PACRGL: variants seen among roughly 807,000 people sequenced by gnomAD.
PACRGL encodes PACRG-like protein.
In PACRGL, 38 loss-of-function variants were observed where a neutral mutation model predicts 34.5. The observed-to-expected ratio is 1.10, with a 90% CI of 0.85 to 1.44. The LOEUF is 1.44. Ranked by LOEUF, PACRGL falls within the 40% of genes most tolerant of loss-of-function variation. The pLI, the probability that PACRGL is intolerant of heterozygous loss-of-function variation, is 0.00. For synonymous variants in PACRGL, 128 were observed against 100.1 expected, an observed-to-expected ratio of 1.28 and a Z score of -1.66; for missense variants, 305 against 281.4, an observed-to-expected ratio of 1.08 and a Z score of -0.60.
intron 8 of PACRGL, among the ~76,000 whole-genome samples, chr4:20,747,428 G>T (rs1752616798): frequency 6.6e-6 from 1 of 152,104 alleles, no homozygotes; most frequent in Non-Finnish European, 1.5e-5. Flanking sequence ...TTTCTAAAGT[G>T]AAGCAAACAC....
chr4:20,743,054 G>T (rs1302708778), intron 8 of PACRGL, among the ~76,000 whole-genome samples: 1 of 123,364 alleles, frequency 8.1e-6, no homozygotes, highest in Non-Finnish European at 1.7e-5. Context: ...TTATAAGGGT[G>T]TGAAGGACCC....
At chr4:20,734,570 T>C, downstream of PACRGL, 1 of 838,160 alleles carries the variant, frequency 1.2e-6, no homozygotes, top group East Asian at 2.8e-5. Flanking sequence ...ATTAATATTT[T>C]AAAGTTAAGA....
chr4:20,758,114 G>T, the PACRGL span, among the ~76,000 whole-genome samples: 195 of 152,218 alleles, frequency 1.3e-3, 1 homozygote, highest in African/African-American at 4.3e-3. Flanking sequence ...CATAGGCTGT[G>T]GGACAAATAT....
chr4:20,717,141 G>T (rs947987372), intron 7 of PACRGL, among the ~76,000 whole-genome samples: 1 of 152,180 alleles, frequency 6.6e-6, no homozygotes, highest in Non-Finnish European at 1.5e-5. Context: ...CTTTTGAGAA[G>T]TGTCTGTTCG....
At chr4:20,764,842 C>T in the PACRGL span, among the ~76,000 whole-genome samples, 1 of 152,202 alleles carries the variant, frequency 6.6e-6, no homozygotes, top group Non-Finnish European at 1.5e-5. Context: ...TTCACACAGA[C>T]AGGGTCGCTG....
chr4:20,747,906 G>A (rs991932178), intron 8 of PACRGL, among the ~76,000 whole-genome samples: 5 of 152,032 alleles, frequency 3.3e-5, no homozygotes, highest in Non-Finnish European at 5.9e-5. Flanking sequence ...AGCTGCCTAC[G>A]CCCATATGAA....
chr4:20,716,147 G>T (rs1739851996), intron 7 of PACRGL: 4 of 1,458,746 alleles, frequency 2.7e-6, no homozygotes, highest in Middle Eastern at 1.7e-4. Context: ...CCACTCTTAG[G>T]TTTGATGATT....
the PACRGL span, among the ~76,000 whole-genome samples, chr4:20,762,413 TCAAATC>T: frequency 2.6e-5 from 4 of 152,202 alleles, no homozygotes; most frequent in Non-Finnish European, 4.4e-5. Context: ...TATTAAAAAA[TCAAATC>T]CAAGAATGAT....
At chr4:20,725,034 T>G (rs896066177) in intron 8 of PACRGL, 146 bp downstream of exon 8, 2 of 498,804 alleles carry the variant, frequency 4.0e-6, no homozygotes, top group East Asian at 6.9e-5. Flanking sequence ...CTTTTAGAAC[T>G]CAAGAGTTTC....
chr4:20,736,612 G>C (rs141934205), downstream of PACRGL, among the ~76,000 whole-genome samples: 626 of 151,758 alleles, frequency 4.1e-3, 9 homozygotes, highest in African/African-American at 0.014. Context: ...AATATATATA[G>C]AACAGTGTTA....
intron 8 of PACRGL, among the ~76,000 whole-genome samples, chr4:20,726,027 C>T (rs1381159480): frequency 6.6e-6 from 1 of 151,986 alleles, no homozygotes; most frequent in Non-Finnish European, 1.5e-5. Context: ...TGGAAGTGAA[C>T]AAATGCTAAA....
upstream of PACRGL, among the ~76,000 whole-genome samples, chr4:20,700,040 A>T (rs914639136): frequency 2.6e-5 from 4 of 152,164 alleles, no homozygotes; most frequent in African/African-American, 9.6e-5. Flanking sequence ...GGGCATGCAG[A>T]TGGCTTCGGC....
At chr4:20,748,282 C>T (rs1370822552) in intron 8 of PACRGL, among the ~76,000 whole-genome samples, 5 of 151,982 alleles carry the variant, frequency 3.3e-5, no homozygotes, top group Admixed American at 1.3e-4. Flanking sequence ...CCTTGGTTCC[C>T]AGGCCTGATA....
Position 20,712,788 on chromosome 4 carries a change from G to T in PACRGL, c.367G>T (p.Gly123Cys), listed in dbSNP as rs1578193823. 1 of 1,502,488 alleles carries T rather than the reference G, an allele frequency of 6.7e-7. No homozygotes were observed. 93.1% of individuals were successfully genotyped at this position (1,502,488 alleles called of 1,614,324 possible). A position where few individuals can be genotyped will look rare whatever the true frequency, so the allele number is the denominator to read the frequency against. Reference sequence around the variant, plus strand: ...CATGTTTCCTCTTGGTCTTTGTCAGGGTCTGAGAGAGACTAAGCATCCATA... The same window carrying T: ...CATGTTTCCTCTTGGTCTTTGTCAGTGTCTGAGAGAGACTAAGCATCCATA... Reference protein sequence around the residue: ...FDPLLITLAEGLRETKHPYTF... With the variant: ...FDPLLITLAECLRETKHPYTF... The change falls in exon 6 of 9, where the codon GGT becomes TGT. Residue 123 changes from glycine (G) to cysteine (C), a missense_variant and splice_region_variant. Physicochemically the swap from Gly to Cys is radical, Grantham distance 159. Transcript: ENST00000503585.
upstream of PACRGL, among the ~76,000 whole-genome samples, chr4:20,696,726 A>G (rs892438294): frequency 2.0e-5 from 3 of 152,220 alleles, no homozygotes; most frequent in African/African-American, 7.2e-5. Context: ...CCCAACTGTC[A>G]GTGGCCATAG....
chr4:20,764,681 G>GACAC, the PACRGL span, among the ~76,000 whole-genome samples: 34,385 of 146,986 alleles, frequency 0.23, 4,127 homozygotes, highest in Admixed American at 0.36. Context: ...ATGGGAATTG[G>GACAC]ACACACACAC....
chr4:20,734,467 C>T (rs6447976), downstream of PACRGL, among the ~76,000 whole-genome samples: 50,138 of 152,036 alleles, frequency 0.33, 8,703 homozygotes, highest in African/African-American at 0.43. Flanking sequence ...CCATAAACTA[C>T]TTCTATCCCA....
rs765666090 is a variant in PACRGL, at chr4:20,724,767, G to A, written c.610-41G>A. 4.0e-6 allele frequency: 5 copies of A among 1,240,110 alleles called. No homozygotes were observed. In the South Asian group the frequency reaches 8.4e-5, roughly 21 times the overall value. The allele number at this position is 1,240,110 out of a possible 1,614,324, so 76.8% of individuals were successfully genotyped here. On this transcript the variant is annotated intron_variant, in intron 7 of 8. Coordinates refer to ENST00000503585, the MANE Select transcript of PACRGL (RefSeq NM_001258345.3). ...TTATGCGTATGGTGAGCATTGTTAAGTTTAAAGTCATTTCGTTTCCCCCTA... is the reference window on the plus strand; with the variant it reads ...TTATGCGTATGGTGAGCATTGTTAAATTTAAAGTCATTTCGTTTCCCCCTA...
In PACRGL at chr4:20,741,769, A is replaced by G. The variant is rs556903654; in HGVS notation, c.*57-10796A>G. Reference sequence around the variant, plus strand: ...ACACAAAAAACCCTTCAAAAAATCAATGAATCCAGGAGCTGGTGTTTTGAA... The same window carrying G: ...ACACAAAAAACCCTTCAAAAAATCAGTGAATCCAGGAGCTGGTGTTTTGAA... On this transcript the variant is annotated intron_variant, in intron 8 of 8. Coordinates refer to the PACRGL transcript ENST00000507634. Among the ~76,000 whole-genome samples the G allele has an allele frequency of 1.2e-4, 19 of 152,338 alleles. No homozygotes were observed. In the South Asian group the frequency reaches 3.5e-3, roughly 28 times the overall value.
Sources: gnomAD v4.1 joint callset for allele counts (sites outside exome capture counted in the v4.1 genomes callset) on GRCh38, gnomAD v4.1.1 for gene constraint, MANE v1.5 for transcripts, NCBI Gene and HGNC (gene_info 2026-07-23, HGNC 2026-07-21) for gene names.